The following GJB7 variants were observed in gnomAD, a reference collection of about 807,000 sequenced individuals.
GJB7 encodes the protein gap junction beta-7 protein.
For missense variants in GJB7, 253 were observed against 256.8 expected (o/e 0.99, Z 0.10); for synonymous variants, 87 against 95.2 (o/e 0.91, Z 0.50).
intron 1 of GJB7, among the ~76,000 whole-genome samples, chr6:87,325,496 A>G (rs1379742304): frequency 1.1e-5 from 1 of 89,788 alleles, no homozygotes; most frequent in Admixed American, 8.8e-5. Context: ...AATTTTGTCA[A>G]AGGCCTGTCT....
At chr6:87,328,269 G>A (rs370566032) in intron 1 of GJB7, among the ~76,000 whole-genome samples, 15 of 151,470 alleles carry the variant, frequency 9.9e-5, no homozygotes, top group Non-Finnish European at 8.9e-5. Flanking sequence ...GTCATTCTCC[G>A]TCCAACTTTG....
chr6:87,291,711 C>G (rs1258973468), intron 2 of GJB7, among the ~76,000 whole-genome samples: 2 of 152,204 alleles, frequency 1.3e-5, no homozygotes, highest in African/African-American at 2.4e-5. Flanking sequence ...CGGCACAAAA[C>G]TGAATGGCAG....
intron 2 of GJB7, among the ~76,000 whole-genome samples, chr6:87,286,696 C>G (rs1421375347): frequency 2.0e-5 from 3 of 152,130 alleles, no homozygotes; most frequent in Non-Finnish European, 4.4e-5. Flanking sequence ...TTGTTGGGTC[C>G]ATGATATGCT....
At chr6:87,287,977 A>T (rs535695530) in intron 2 of GJB7, among the ~76,000 whole-genome samples, 1 of 152,216 alleles carries the variant, frequency 6.6e-6, no homozygotes, top group South Asian at 2.1e-4. Flanking sequence ...ATTTCAGCTC[A>T]CTACAACCTC....
At chr6:87,299,091 C>T (rs986638581) in intron 2 of GJB7, 4 of 506,700 alleles carry the variant, frequency 7.9e-6, no homozygotes, top group Middle Eastern at 6.7e-4. Flanking sequence ...GCTGGGGAGG[C>T]CATCACCAGT....
At chr6:87,308,376 A>T (rs569487338) in intron 2 of GJB7, among the ~76,000 whole-genome samples, 1 of 152,326 alleles carries the variant, frequency 6.6e-6, no homozygotes, top group South Asian at 2.1e-4. Context: ...AAAGTATAAT[A>T]AAAAAATCAA....
At chr6:87,290,863 G>A (rs6940544) in intron 2 of GJB7, among the ~76,000 whole-genome samples, 80,434 of 152,042 alleles carry the variant, frequency 0.53, 21,614 homozygotes, top group Admixed American at 0.62. Context: ...TTACTATCTC[G>A]CCCTTTGCAC....
At chr6:87,319,415 C>T (rs1776625892) in intron 2 of GJB7, among the ~76,000 whole-genome samples, 1 of 152,166 alleles carries the variant, frequency 6.6e-6, no homozygotes, top group Non-Finnish European at 1.5e-5. Context: ...TTCATCTGAT[C>T]ACTTTCTATT....
chr6:87,299,149 T>C, intron 2 of GJB7: 1 of 466,894 alleles, frequency 2.1e-6, no homozygotes, highest in Non-Finnish European at 4.3e-6. Context: ...TTGAAAAGAT[T>C]AGCAAAAGTG....
chr6:87,316,346 C>T (rs533751316), intron 2 of GJB7, among the ~76,000 whole-genome samples: 1 of 152,232 alleles, frequency 6.6e-6, no homozygotes, highest in South Asian at 2.1e-4. Context: ...GTTTCTTAGC[C>T]TTTTCTTTTT....
chr6:87,326,136 G>A (rs1026529352), intron 1 of GJB7, among the ~76,000 whole-genome samples: 20 of 152,100 alleles, frequency 1.3e-4, no homozygotes, highest in East Asian at 3.9e-4. Context: ...TTTTTATTGC[G>A]TCTATTTGAT....
intron 2 of GJB7, chr6:87,292,065 T>A (rs1776182948): frequency 6.6e-6 from 1 of 152,264 alleles, no homozygotes; most frequent in Admixed American, 6.5e-5. Flanking sequence ...CAAGGTAGTG[T>A]AAGCCAAACA....
intron 1 of GJB7, among the ~76,000 whole-genome samples, chr6:87,325,983 G>A (rs559546381): frequency 1.3e-5 from 2 of 152,146 alleles, no homozygotes; most frequent in African/African-American, 4.8e-5. Context: ...CTTCTTCCTA[G>A]TTTAGTCTTG....
At chr6:87,302,312 C>T (rs931964682) in intron 2 of GJB7, among the ~76,000 whole-genome samples, 1 of 152,048 alleles carries the variant, frequency 6.6e-6, no homozygotes, top group Non-Finnish European at 1.5e-5. Flanking sequence ...ACTAGAATAA[C>T]CAGTGTAGAG....
At chr6:87,295,970 G>C (rs1010220336) in intron 2 of GJB7, among the ~76,000 whole-genome samples, 3 of 152,210 alleles carry the variant, frequency 2.0e-5, no homozygotes, top group Non-Finnish European at 4.4e-5. Flanking sequence ...TTAAGTTGAT[G>C]ATGGCATGTG....
intron 2 of GJB7, among the ~76,000 whole-genome samples, chr6:87,320,052 T>A (rs187491392): frequency 6.6e-6 from 1 of 152,160 alleles, no homozygotes; most frequent in East Asian, 1.9e-4. Flanking sequence ...AATGGGGATT[T>A]TTAGCGGGTA....
At chr6:87,321,371 G>A (rs1776657886) in intron 2 of GJB7, among the ~76,000 whole-genome samples, 1 of 151,972 alleles carries the variant, frequency 6.6e-6, no homozygotes, top group Admixed American at 6.6e-5. Context: ...TTTCTTTCAG[G>A]TCCCACTATG....
intron 2 of GJB7, among the ~76,000 whole-genome samples, chr6:87,309,123 C>T (rs977864584): frequency 6.6e-6 from 1 of 152,156 alleles, no homozygotes; most frequent in Non-Finnish European, 1.5e-5. Context: ...ACAGCCTTGG[C>T]GGCTGACACA....
chr6:87,323,465 C>A (rs1354363449), intron 1 of GJB7, among the ~76,000 whole-genome samples: 1 of 136,802 alleles, frequency 7.3e-6, no homozygotes, highest in East Asian at 2.4e-4. Flanking sequence ...TGATGTTCCC[C>A]TTCCTGTGTC....
Sources: allele counts gnomAD v4.1 joint callset (sites outside exome capture counted in the v4.1 genomes callset), GRCh38; gene constraint gnomAD v4.1.1; transcripts MANE v1.5; gene names NCBI Gene and HGNC (gene_info 2026-07-23, HGNC 2026-07-21).